Variants in CNTRL observed in about 807,000 individuals in gnomAD.
The protein encoded by CNTRL is 110 kDa centrosomal protein.
CNTRL carries 233 observed loss-of-function variants against 303.7 expected under a neutral mutation model. The ratio of observed to expected loss-of-function variants is 0.77; its 90% CI spans 0.69 to 0.86. The LOEUF (loss-of-function observed/expected upper bound fraction) is 0.86, where lower values mean the gene tolerates loss of function less well. CNTRL is among the 40% of genes least tolerant of loss of function. The pLI, the probability that CNTRL is intolerant of heterozygous loss-of-function variation, is 0.00. For missense variants in CNTRL, 2,524 were observed against 2,650.6 expected (o/e 0.95, Z 1.05); for synonymous variants, 900 against 922.2 (o/e 0.98, Z 0.44).
At chr9:121,084,137 A>G (rs2048253575) in intron 2 of CNTRL, among the ~76,000 whole-genome samples, 2 of 152,188 alleles carry the variant, frequency 1.3e-5, no homozygotes, top group Admixed American at 6.5e-5. Context: ...TATAGGGGAA[A>G]TTAAGGTACT....
intron 22 of CNTRL, 92 bp from the exon 23 acceptor site, chr9:121,146,016 A>C (rs983616022): frequency 1.9e-4 from 235 of 1,206,388 alleles, no homozygotes; most frequent in Non-Finnish European, 1.6e-4. Context: ...GGAACTGATA[A>C]AATTAATTGG....
chr9:121,083,177 A>T (rs1357571632), intron 2 of CNTRL, among the ~76,000 whole-genome samples: 1 of 152,092 alleles, frequency 6.6e-6, no homozygotes, highest in Non-Finnish European at 1.5e-5. Context: ...AGGCTACACT[A>T]AATTTATTAA....
chr9:121,154,851 C>T lies in CNTRL; in HGVS notation c.4303C>T (p.Leu1435Phe). ...EKTLLKRRSE[L>F]READRLLAEA... is the part of the protein sequence containing the mutation. The stretch of plus-strand genomic sequence containing the variant: ...GACTCTTCTGAAACGTCGCTCAGAG[C>T]TCAGGGAAGCTGACCGACTCCTGGC... The change falls in exon 27 of 44, where the codon CTC (leucine) becomes TTC (phenylalanine). Residue 1435 changes from leucine to phenylalanine, a missense_variant. Coordinates refer to ENST00000373855, the MANE Select transcript of CNTRL (RefSeq NM_007018.6). 2 of 1,614,122 alleles carry T rather than the reference C, an allele frequency of 1.2e-6. No homozygotes were observed. The highest frequency in any genetic ancestry group is 1.1e-5 in the South Asian group (1 of 91,082).
At chr9:121,143,348 C>G (rs192059061) in intron 19 of CNTRL, among the ~76,000 whole-genome samples, 5 of 152,314 alleles carry the variant, frequency 3.3e-5, no homozygotes, top group Non-Finnish European at 2.9e-5. Flanking sequence ...ACTACTGTGG[C>G]TGTCTGATCG....
At chr9:121,122,928 C>T (rs1371087601) in intron 12 of CNTRL, among the ~76,000 whole-genome samples, 1 of 152,096 alleles carries the variant, frequency 6.6e-6, no homozygotes, top group Non-Finnish European at 1.5e-5. Context: ...TTTTGAGACT[C>T]ACCGGGCTAA....
chr9:121,165,987 A>G, intron 35 of CNTRL, 120 bp from the exon 36 acceptor site: 1 of 705,624 alleles, frequency 1.4e-6, no homozygotes, highest in South Asian at 1.7e-5. Flanking sequence ...AGTGTGGCAT[A>G]GTCATACATG....
Position 121,160,183 on chromosome 9 carries a change from G to A in CNTRL, c.4970G>A (p.Gly1657Glu), listed in dbSNP as rs147093445. 7.2e-6 allele frequency: 11 copies of A among 1,527,858 alleles called. No individual in the cohort carries two copies. In the African/African-American group the frequency reaches 1.6e-4, roughly 22 times the overall value. 94.6% of individuals were successfully genotyped at this position (1,527,858 alleles called of 1,614,324 possible). Residue 1657 changes from glycine to glutamate, a missense_variant, in exon 32 of 44, where the codon GGA becomes GAA. Transcript: ENST00000373855. ...CTGGAAGAACTGAGTTTTCAGAAAG[G>A]AGAACTAAATGTTCAGATTAGTGAA... ...SLLEELSFQKGELNVQISERK... is the reference protein window; with the variant it reads ...SLLEELSFQKEELNVQISERK...
At position 121,077,558 on chromosome 9, in the gene CNTRL, T is replaced by C. The variant is rs946177224; in HGVS notation, c.-205+2491T>C. Among the ~76,000 whole-genome samples the C allele has an allele frequency of 5.9e-5, 9 of 152,300 alleles. No individual in the cohort carries two copies. In the East Asian group the frequency reaches 1.2e-3, roughly 20 times the overall value. On this transcript the variant is annotated intron_variant, in intron 1 of 43. Transcript: ENST00000373855. Reference sequence around the variant, plus strand: ...TGTGGCAACCAAGGGTTTAAGTCTATGAATGAGTAAGCCTGACTTTTACTA... The same window carrying C: ...TGTGGCAACCAAGGGTTTAAGTCTACGAATGAGTAAGCCTGACTTTTACTA...
Position 121,154,871 on chromosome 9 carries a change from C to G in CNTRL, c.4323C>G (p.Leu1441=). ...CAGAGCTCAGGGAAGCTGACCGACT[C>G]CTGGCAGAGGCTGAGAGTGAACTTT... The part of the protein sequence containing the change: ...RRSELREADR[L]LAEAESELSC... Residue 1441 remains leucine, a synonymous_variant, in exon 27 of 44, where the codon CTC becomes CTG. Coordinates refer to ENST00000373855, the MANE Select transcript of CNTRL (RefSeq NM_007018.6). The G allele has an allele frequency of 6.2e-7, 1 of 1,614,140 alleles. No individual in the cohort carries two copies. Among genetic ancestry groups the G allele is most frequent in the Non-Finnish European group, 8.5e-7 (1 of 1,180,004 alleles).
intron 15 of CNTRL, among the ~76,000 whole-genome samples, chr9:121,137,296 G>A (rs551390004): frequency 1.6e-4 from 25 of 152,274 alleles, no homozygotes; most frequent in Middle Eastern, 3.4e-3. Flanking sequence ...CCTGTGCACA[G>A]TAAAGGTATT....
In CNTRL at chr9:121,151,384, C is replaced by CTTTTTTTTTTTTTTTTTTTTTTTTTTTTT. The variant is rs200247383; in HGVS notation, c.3963+903_3963+904insTTTTTTTTTTTTTTTTTTTTTTTTTTTTT. Among the ~76,000 whole-genome samples, 2 of 91,526 alleles carry CTTTTTTTTTTTTTTTTTTTTTTTTTTTTT rather than the reference C, an allele frequency of 2.2e-5. 1 individual carries two copies. Among genetic ancestry groups the CTTTTTTTTTTTTTTTTTTTTTTTTTTTTT allele is most frequent in the Non-Finnish European group, 4.3e-5 (2 of 46,066 alleles). The allele number at this position is 91,526 out of a possible 152,430, so 60.0% of individuals were successfully genotyped here. A position where few individuals can be genotyped will look rare whatever the true frequency, so the allele number is the denominator to read the frequency against. ...GATTACTTCCTTTTTCTTTTTTCTT[C>CTTTTTTTTTTTTTTTTTTTTTTTTTTTTT]TTCTTTTTTTTTTTTTTTTTTTTTG... On this transcript the variant is annotated intron_variant, in intron 25 of 43. Coordinates refer to ENST00000373855, the MANE Select transcript of CNTRL (RefSeq NM_007018.6).
intron 12 of CNTRL, among the ~76,000 whole-genome samples, chr9:121,119,432 A>G (rs2050131676): frequency 6.6e-6 from 1 of 151,646 alleles, no homozygotes. Flanking sequence ...AGTAGCTGGG[A>G]CTACAGGCAC....
intron 6 of CNTRL, 45 bp downstream of exon 6, chr9:121,096,608 TA>T: frequency 7.5e-7 from 1 of 1,331,404 alleles, no homozygotes. Flanking sequence ...TGTTAAAAAA[TA>T]AAAGATTAAA....
chr9:121,100,389 A>G (rs2049096883), intron 7 of CNTRL, among the ~76,000 whole-genome samples: 1 of 152,254 alleles, frequency 6.6e-6, no homozygotes, highest in Non-Finnish European at 1.5e-5. Context: ...GGCCTGCCTT[A>G]CAAGAGCTCC....
intron 14 of CNTRL, among the ~76,000 whole-genome samples, chr9:121,133,722 C>T (rs1360346615): frequency 1.3e-5 from 2 of 152,220 alleles, no homozygotes; most frequent in Admixed American, 6.5e-5. Context: ...AGAAATCACC[C>T]GTCGTCTGCG....
chr9:121,120,272 C>T (rs141733910), intron 12 of CNTRL, among the ~76,000 whole-genome samples: 2 of 151,702 alleles, frequency 1.3e-5, no homozygotes, highest in African/African-American at 4.8e-5. Context: ...TTTTTGTGGG[C>T]CAGCTAATTT....
At position 121,113,501 on chromosome 9, in the gene CNTRL, G is replaced by A; in HGVS notation, c.1123-1G>A. 6.5e-7 allele frequency: 1 copy of A among 1,548,920 alleles called. No individual in the cohort carries two copies. ...CCATAAATCTATTATTTTGCTTTTA[G>A]TATGCTGAAATTGATAAAGCCCCAG... On this transcript the variant is annotated splice_acceptor_variant, in intron 9 of 43. Coordinates refer to ENST00000373855, the MANE Select transcript of CNTRL (RefSeq NM_007018.6). LOFTEE classifies it high-confidence loss of function.
At chr9:121,145,005 A>C in intron 21 of CNTRL, 46 bp downstream of exon 21, 1 of 1,481,864 alleles carries the variant, frequency 6.7e-7, no homozygotes, top group Non-Finnish European at 9.4e-7. Context: ...GATTCTTATC[A>C]GTTCCTAAAA....
intron 32 of CNTRL, among the ~76,000 whole-genome samples, chr9:121,160,634 A>G (rs950105384): frequency 2.6e-5 from 4 of 152,078 alleles, no homozygotes; most frequent in South Asian, 2.1e-4. Flanking sequence ...GCCCATTTCT[A>G]CTCCTCCAGA....
Sources: gnomAD v4.1 joint callset for allele counts (sites outside exome capture counted in the v4.1 genomes callset) on GRCh38, gnomAD v4.1.1 for gene constraint, MANE v1.5 for transcripts, NCBI Gene and HGNC (gene_info 2026-07-23, HGNC 2026-07-21) for gene names.